Variants in RARG observed in about 807,000 individuals in gnomAD.
The protein encoded by RARG is RAR-gamma.
RARG carries 17 observed loss-of-function variants against 43.7 expected under a neutral mutation model. That is an observed-to-expected ratio of 0.39 (90% CI 0.27 to 0.58). The LOEUF (loss-of-function observed/expected upper bound fraction) is 0.58, where lower values mean the gene tolerates loss of function less well. RARG is among the 20% of genes least tolerant of loss of function. The probability of loss-of-function intolerance (pLI) is 0.57; values close to 1 mark genes in which losing one functional copy is unlikely to be tolerated. For synonymous variants in RARG, 238 were observed against 236.4 expected, an observed-to-expected ratio of 1.01 and a Z score of -0.06; for missense variants, 346 against 598.7, an observed-to-expected ratio of 0.58 and a Z score of 4.40.
Position 53,215,242 on chromosome 12 carries a change from C to T in RARG, c.475+51G>A. On this transcript the variant is annotated intron_variant, in intron 5 of 9. Coordinates refer to ENST00000425354, the MANE Select transcript of RARG (RefSeq NM_000966.6). This position sits in a 1 kb window ranked among gnomAD's most constrained non-coding sequence, Gnocchi z 6.4. ...GTGGCCAGAGGAAAGAGGGCCACAGCCATAGGGTAGGACCGAAGTGCTCCT... is the reference window on the plus strand; with the variant it reads ...GTGGCCAGAGGAAAGAGGGCCACAGTCATAGGGTAGGACCGAAGTGCTCCT... 1.3e-6 allele frequency: 2 copies of T among 1,598,038 alleles called. No homozygotes were observed. The highest frequency in any genetic ancestry group is 1.7e-6 in the Non-Finnish European group (2 of 1,171,548).
chr12:53,218,906 G>A (rs1240746055), intron 3 of RARG, among the ~76,000 whole-genome samples: 2 of 151,886 alleles, frequency 1.3e-5, no homozygotes, highest in East Asian at 1.9e-4. Flanking sequence ...AAATTTGGGG[G>A]GTGTTCCAGG....
intron 2 of RARG, among the ~76,000 whole-genome samples, chr12:53,228,739 A>T (rs1386624182): frequency 2.0e-5 from 3 of 151,222 alleles, no homozygotes; most frequent in Non-Finnish European, 4.4e-5. Flanking sequence ...TGAGACAGCT[A>T]ATGTTTATAT....
chr12:53,212,429 T>C (rs1308010677), intron 9 of RARG, among the ~76,000 whole-genome samples: 2 of 152,030 alleles, frequency 1.3e-5, no homozygotes, highest in African/African-American at 2.4e-5. Context: ...TTTGTTGTGT[T>C]GTTGTTGTTG....
intron 3 of RARG, among the ~76,000 whole-genome samples, chr12:53,218,162 A>C (rs1460281948): frequency 6.6e-6 from 1 of 152,066 alleles, no homozygotes; most frequent in African/African-American, 2.4e-5. Context: ...CAGCCTGCCA[A>C]CGCAGCACCA....
At position 53,213,104 on chromosome 12, in the gene RARG, G is replaced by C. The variant is rs1365491801; in HGVS notation, c.1158C>G (p.Leu386=). The C allele has an allele frequency of 2.5e-6, 4 of 1,613,948 alleles. No homozygotes were observed. The South Asian group carries it at 4.4e-5, about 18-fold the overall frequency. The part of the protein sequence containing the change: ...FPRMLMKITD[L]RGISTKGAER... ...ACTCACCCTTAGTGCTGATGCCCCG[G>C]AGGTCGGTGATTTTCATTAGCATCC... The change falls in exon 9 of 10, where the codon CTC becomes CTG. Residue 386 remains leucine, a synonymous_variant. Coordinates refer to ENST00000425354, the MANE Select transcript of RARG (RefSeq NM_000966.6). The surrounding 1 kb of genome is among the most constrained non-coding windows in gnomAD (Gnocchi z 4.7).
At chr12:53,222,297 A>AAGAGAG (rs111937808) in intron 3 of RARG, among the ~76,000 whole-genome samples, 3 of 150,300 alleles carry the variant, frequency 2.0e-5, no homozygotes, top group African/African-American at 7.4e-5. Context: ...AGGAGAAAGA[A>AAGAGAG]AGAGAGAGAG....
In RARG at chr12:53,213,326, G is replaced by A. The variant is rs73309172; in HGVS notation, c.1019-83C>T. ...GACAGATGGCTGATCACCAACCGGC[G>A]TTTTGGGAAGCCTGTACAGGGTTTC... On this transcript the variant is annotated intron_variant, in intron 8 of 9. Coordinates refer to ENST00000425354, the MANE Select transcript of RARG (RefSeq NM_000966.6). The surrounding 1 kb of genome is among the most constrained non-coding windows in gnomAD (Gnocchi z 4.7). 660 of 1,490,826 alleles carry A rather than the reference G, an allele frequency of 4.4e-4. No individual in the cohort carries two copies. Among genetic ancestry groups the A allele is most frequent in the Non-Finnish European group, 5.9e-4 (641 of 1,081,798 alleles). 92.3% of individuals were successfully genotyped at this position (1,490,826 alleles called of 1,614,324 possible). A position where few individuals can be genotyped will look rare whatever the true frequency, so the allele number is the denominator to read the frequency against.
chr12:53,230,301 G>A (rs776417550), intron 2 of RARG, among the ~76,000 whole-genome samples: 2 of 152,120 alleles, frequency 1.3e-5, no homozygotes, highest in Non-Finnish European at 2.9e-5. Context: ...AGGTGGAGTT[G>A]AGGGGAGGGC....
chr12:53,214,258 G>A (rs767989593), intron 6 of RARG, 23 bp from the exon 7 acceptor site: 1 of 1,602,902 alleles, frequency 6.2e-7, no homozygotes, highest in Non-Finnish European at 8.5e-7. Flanking sequence ...GGGGTAGAAG[G>A]TTGGAAGGCA....
rs1943141515 is a variant in RARG at position 53,227,714 on chromosome 12, G to A, written c.-142-27C>T. 1 of 1,246,806 alleles carries A rather than the reference G, an allele frequency of 8.0e-7. No homozygotes were observed. The highest frequency in any genetic ancestry group is 2.3e-5 in the South Asian group (1 of 44,238). The allele number at this position is 1,246,806 out of a possible 1,614,324, so 77.2% of individuals were successfully genotyped here. ...TAGGGAGAAAGAGAGAGAAAGGAGA[G>A]ATGAGAGAATGACCACTCTGAGGTT... is the stretch of plus-strand genomic sequence containing the variant. On this transcript the variant is annotated intron_variant, in intron 2 of 9. Transcript: ENST00000425354. This position sits in a 1 kb window ranked among gnomAD's most constrained non-coding sequence, Gnocchi z 4.3.
intron 3 of RARG, among the ~76,000 whole-genome samples, chr12:53,216,370 G>A (rs1169299799): frequency 6.6e-6 from 1 of 152,092 alleles, no homozygotes; most frequent in African/African-American, 2.4e-5. Context: ...AGTACAGGGG[G>A]GATAACTCCT....
At chr12:53,230,076 T>G (rs1943194737) in intron 2 of RARG, 2 of 746,904 alleles carry the variant, frequency 2.7e-6, no homozygotes, top group South Asian at 1.2e-4. Flanking sequence ...GGGGAGGGTC[T>G]TAAACCCAGG....
In RARG at chr12:53,211,903, A is replaced by T. The variant is rs1281945227; in HGVS notation, c.1178-40T>A. 7.3e-7 allele frequency: 1 copy of T among 1,362,074 alleles called. No homozygotes were observed. The highest frequency in any genetic ancestry group is 2.8e-5 in the Admixed American group (1 of 35,506). 84.4% of individuals were successfully genotyped at this position (1,362,074 alleles called of 1,614,324 possible). A position where few individuals can be genotyped will look rare whatever the true frequency, so the allele number is the denominator to read the frequency against. On this transcript the variant is annotated intron_variant, in intron 9 of 9. Coordinates refer to ENST00000425354, the MANE Select transcript of RARG (RefSeq NM_000966.6). The surrounding 1 kb of genome is among the most constrained non-coding windows in gnomAD (Gnocchi z 4.6). ...GAAAGAGAGAGGCTCAGGAGGACAG[A>T]GGCACATGGCCCTTAAGGCCATCTC...
chr12:53,215,946 G>T lies in RARG; in HGVS notation c.185-152C>A. ...TGCACTAGTTCCAGCAGTAAGCACT[G>T]TCAGAATCCTCTTAATGACCACTAT... On this transcript the variant is annotated intron_variant, in intron 3 of 9. Transcript: ENST00000425354. This position sits in a 1 kb window ranked among gnomAD's most constrained non-coding sequence, Gnocchi z 6.4. 1 of 849,864 alleles carries T rather than the reference G, an allele frequency of 1.2e-6. No individual in the cohort carries two copies. Among genetic ancestry groups the T allele is most frequent in the Non-Finnish European group, 1.7e-6 (1 of 572,204 alleles). The allele number at this position is 849,864 out of a possible 1,614,324, so 52.6% of individuals were successfully genotyped here.
chr12:53,212,733 TATATAC>T (rs1445202635), intron 9 of RARG, among the ~76,000 whole-genome samples: 17 of 130,878 alleles, frequency 1.3e-4, no homozygotes, highest in Middle Eastern at 3.9e-3. Context: ...TCTAAATATA[TATATAC>T]ACACACACAC....
In RARG at chr12:53,212,698, A is replaced by G. The variant is rs564996528; in HGVS notation, c.1177+387T>C. On this transcript the variant is annotated intron_variant, in intron 9 of 9. Transcript: ENST00000425354. ...AGTTTACAAACAAGATTAAAAAAGT[A>G]AAGCAATTTGCCCAAGACTTTGTCT... 7.9e-5 allele frequency among the ~76,000 whole-genome samples: 12 copies of G among 152,052 alleles called. No homozygotes were observed. In the South Asian group the frequency reaches 1.9e-3, roughly 24 times the overall value.
chr12:53,220,149 G>A, intron 3 of RARG: 1 of 1,548,520 alleles, frequency 6.5e-7, no homozygotes, highest in South Asian at 1.2e-5. Flanking sequence ...CCAAGGACCC[G>A]CAGCCGATTC....
At position 53,215,531 on chromosome 12, in the gene RARG, T is replaced by C. The variant is rs1942736101; in HGVS notation, c.334-97A>G. On this transcript the variant is annotated intron_variant, in intron 4 of 9. Coordinates refer to ENST00000425354, the MANE Select transcript of RARG (RefSeq NM_000966.6). This position sits in a 1 kb window ranked among gnomAD's most constrained non-coding sequence, Gnocchi z 6.4. The stretch of plus-strand genomic sequence containing the variant: ...AGGTTGCCCCAAGCCTGACCTAATC[T>C]ATTAACCACCTATGTGCAAAGCAGT... 2.5e-6 allele frequency: 4 copies of C among 1,590,506 alleles called. No homozygotes were observed. The African/African-American group carries it at 4.0e-5, about 16-fold the overall frequency.
Position 53,215,851 on chromosome 12 carries a change from G to T in RARG, c.185-57C>A. On this transcript the variant is annotated intron_variant, in intron 3 of 9. Transcript: ENST00000425354. This position sits in a 1 kb window ranked among gnomAD's most constrained non-coding sequence, Gnocchi z 6.4. ...GGAGAAGGACCCCACAGACCTCCAG[G>T]CTTCCTCATCACACACACCCCATGT... 10 of 1,507,624 alleles carry T rather than the reference G, an allele frequency of 6.6e-6. No homozygotes were observed. Among genetic ancestry groups the T allele is most frequent in the Middle Eastern group, 2.0e-4 (1 of 5,048 alleles). The allele number at this position is 1,507,624 out of a possible 1,614,324, so 93.4% of individuals were successfully genotyped here. A position where few individuals can be genotyped will look rare whatever the true frequency, so the allele number is the denominator to read the frequency against.
Sources: allele counts gnomAD v4.1 joint callset (sites outside exome capture counted in the v4.1 genomes callset), GRCh38; gene constraint gnomAD v4.1.1; non-coding constraint Gnocchi (gnomAD v3.1); transcripts MANE v1.5; gene names NCBI Gene and HGNC (gene_info 2026-07-23, HGNC 2026-07-21).